Variants in KAZN observed in about 807,000 individuals in gnomAD.
KAZN encodes kazrin.
Under a neutral mutation model 87.4 loss-of-function variants are expected in KAZN, and 40 were observed. The ratio of observed to expected loss-of-function variants is 0.46; its 90% CI spans 0.36 to 0.60. KAZN has a LOEUF of 0.60. KAZN is among the 20% of genes least tolerant of loss of function. The pLI, the probability that KAZN is intolerant of heterozygous loss-of-function variation, is 0.00. For missense variants in KAZN, 898 were observed against 1,073.9 expected, an observed-to-expected ratio of 0.84 and a Z score of 2.29; for synonymous variants, 466 against 458.3, an observed-to-expected ratio of 1.02 and a Z score of -0.22.
At chr1:14,235,214 G>A (rs931035021) in intron 2 of KAZN, among the ~76,000 whole-genome samples, 1 of 151,984 alleles carries the variant, frequency 6.6e-6, no homozygotes, top group Non-Finnish European at 1.5e-5. Context: ...ACAAAATGTG[G>A]TATAACCACA....
chr1:14,408,011 GTGAC>G (rs1226038473), intron 2 of KAZN, among the ~76,000 whole-genome samples: 1 of 152,208 alleles, frequency 6.6e-6, no homozygotes, highest in Non-Finnish European at 1.5e-5. Context: ...ACTGGGCAAA[GTGAC>G]TGACTTCAGT....
chr1:14,411,723 G>C (rs1280071761), intron 2 of KAZN, among the ~76,000 whole-genome samples: 1 of 152,120 alleles, frequency 6.6e-6, no homozygotes, highest in Non-Finnish European at 1.5e-5. Context: ...GAAATATTAA[G>C]TAATGAAATG....
intron 2 of KAZN, among the ~76,000 whole-genome samples, chr1:14,356,119 A>AT (rs982496075): frequency 1.3e-5 from 2 of 152,118 alleles, no homozygotes; most frequent in African/African-American, 4.8e-5. Flanking sequence ...AATGATTGCC[A>AT]TTCTAGCTGG....
chr1:14,471,995 G>T (rs758600044), intron 2 of KAZN, among the ~76,000 whole-genome samples: 1 of 152,186 alleles, frequency 6.6e-6, no homozygotes, highest in Non-Finnish European at 1.5e-5. Flanking sequence ...TTGTCCTGGA[G>T]GCTAGGAGGT....
At chr1:14,603,642 C>T (rs548090631) in intron 1 of KAZN, among the ~76,000 whole-genome samples, 1 of 152,308 alleles carries the variant, frequency 6.6e-6, no homozygotes, top group East Asian at 1.9e-4. Flanking sequence ...CTCTTTGATG[C>T]ACCCCAGAAG....
chr1:14,458,403 G>T (rs1039813161), intron 2 of KAZN, among the ~76,000 whole-genome samples: 1 of 152,034 alleles, frequency 6.6e-6, no homozygotes, highest in East Asian at 1.9e-4. Context: ...GAAAGTAATC[G>T]CAGTTTTATT....
intron 2 of KAZN, among the ~76,000 whole-genome samples, chr1:14,489,236 A>G (rs1669513780): frequency 6.6e-6 from 1 of 152,032 alleles, no homozygotes; most frequent in Non-Finnish European, 1.5e-5. Context: ...ATTTGACTAG[A>G]GATAATCACG....
chr1:14,664,099 T>C (rs1230729584), intron 1 of KAZN, among the ~76,000 whole-genome samples: 1 of 152,180 alleles, frequency 6.6e-6, no homozygotes, highest in Admixed American at 6.5e-5. Context: ...ATTCCACCTA[T>C]ATGAGGTAGT....
At chr1:14,646,241 TAC>T (rs1243424192) in intron 1 of KAZN, among the ~76,000 whole-genome samples, 1 of 152,122 alleles carries the variant, frequency 6.6e-6, no homozygotes, top group Admixed American at 6.6e-5. Context: ...ACATCAGCTT[TAC>T]CATAAAAAGC....
intron 1 of KAZN, among the ~76,000 whole-genome samples, chr1:14,714,150 C>G (rs1262901418): frequency 6.6e-6 from 1 of 152,074 alleles, no homozygotes; most frequent in African/African-American, 2.4e-5. Context: ...GGTGCAGGTC[C>G]CTGCAGTCTG....
chr1:13,899,327 C>T (rs993999283), intron 1 of KAZN, among the ~76,000 whole-genome samples: 3 of 152,294 alleles, frequency 2.0e-5, no homozygotes, highest in African/African-American at 4.8e-5. Flanking sequence ...TGAGAAAACT[C>T]GAGGCCCGTA....
chr1:14,589,978 A>G (rs1676095048), intron 2 of KAZN, among the ~76,000 whole-genome samples: 1 of 152,164 alleles, frequency 6.6e-6, no homozygotes, highest in Admixed American at 6.5e-5. Context: ...GATACATTTT[A>G]GTTAAATAAA....
At position 14,404,178 on chromosome 1, in the gene KAZN, C is replaced by T. The variant is rs376520594; in HGVS notation, c.250-194805C>T. Among the ~76,000 whole-genome samples the T allele has an allele frequency of 9.8e-4, 149 of 152,254 alleles. 6 individuals are homozygous for T. The East Asian group carries it at 0.015, about 16-fold the overall frequency. On this transcript the variant is annotated intron_variant, in intron 2 of 16. Coordinates refer to the KAZN transcript ENST00000636203. ...GCAGATGGGTTATCTACCTAGTTGACGCTGTATTACCTGCTTTTACTGTAC... is the reference window on the plus strand; with the variant it reads ...GCAGATGGGTTATCTACCTAGTTGATGCTGTATTACCTGCTTTTACTGTAC...
At chr1:15,026,885 G>A (rs937199416) in intron 2 of KAZN, among the ~76,000 whole-genome samples, 1 of 152,174 alleles carries the variant, frequency 6.6e-6, no homozygotes, top group South Asian at 2.1e-4. Context: ...ACGGGAGGAC[G>A]TGTGTAGATA....
chr1:14,095,389 C>A (rs1644105193), intron 1 of KAZN, among the ~76,000 whole-genome samples: 1 of 152,192 alleles, frequency 6.6e-6, no homozygotes, highest in African/African-American at 2.4e-5. Flanking sequence ...CAGGTGTTAT[C>A]CTACTATATC....
chr1:13,964,194 C>T (rs1641859787), intron 1 of KAZN, among the ~76,000 whole-genome samples: 2 of 152,014 alleles, frequency 1.3e-5, no homozygotes, highest in Admixed American at 1.3e-4. Context: ...ATATGTCTTC[C>T]CTGGAGGAGA....
At chr1:15,013,795 T>C (rs1669826101) in intron 2 of KAZN, among the ~76,000 whole-genome samples, 2 of 150,432 alleles carry the variant, frequency 1.3e-5, no homozygotes, top group African/African-American at 4.9e-5. Flanking sequence ...GTACAGCTAC[T>C]CCAAAAAGCT....
chr1:14,005,927 A>C (rs1304115462), intron 1 of KAZN, among the ~76,000 whole-genome samples: 1 of 152,234 alleles, frequency 6.6e-6, no homozygotes, highest in African/African-American at 2.4e-5. Flanking sequence ...AGAAAGCTTT[A>C]AACAAAGACT....
At position 14,406,688 on chromosome 1, in the gene KAZN, G is replaced by A. The variant is rs561167962; in HGVS notation, c.250-192295G>A. Among the ~76,000 whole-genome samples the A allele has an allele frequency of 3.9e-5, 6 of 152,152 alleles. No homozygotes were observed. In the East Asian group the frequency reaches 1.2e-3, roughly 29 times the overall value. On this transcript the variant is annotated intron_variant, in intron 2 of 16. Transcript: ENST00000636203. The stretch of plus-strand genomic sequence containing the variant: ...TACCACCTGTTCCCCCAAAACCTAT[G>A]GAAATTAAAAAATTAAAATGATTAA...
Sources: allele counts gnomAD v4.1 joint callset (sites outside exome capture counted in the v4.1 genomes callset), GRCh38; gene constraint gnomAD v4.1.1; transcripts MANE v1.5; gene names NCBI Gene and HGNC (gene_info 2026-07-23, HGNC 2026-07-21).